C2orf76: variants seen among roughly 807,000 people sequenced by gnomAD.
C2orf76 encodes the protein UPF0538 protein C2orf76.
C2orf76 carries 23 observed loss-of-function variants against 16.9 expected under a neutral mutation model. The ratio of observed to expected loss-of-function variants is 1.36; its 90% CI spans 0.98 to 1.93. The LOEUF is 1.93. C2orf76 is among the 30% of genes most tolerant of loss of function. The pLI, the probability that C2orf76 is intolerant of heterozygous loss-of-function variation, is 0.00. For synonymous variants in C2orf76, 48 were observed against 52.3 expected (o/e 0.92, Z 0.35); for missense variants, 152 against 152.6 (o/e 1.00, Z 0.02).
chr2:119,336,532 G>A (rs1436538872), intron 2 of C2orf76, among the ~76,000 whole-genome samples: 1 of 151,930 alleles, frequency 6.6e-6, no homozygotes, highest in Non-Finnish European at 1.5e-5. Flanking sequence ...TCTCAATGGG[G>A]AATGAATAAA....
intron 5 of C2orf76, among the ~76,000 whole-genome samples, chr2:119,310,408 TC>T (rs1558776794): frequency 6.6e-6 from 1 of 152,126 alleles, no homozygotes; most frequent in African/African-American, 2.4e-5. Context: ...AACACAGAAA[TC>T]AAGTCTAAGA....
the C2orf76 span, among the ~76,000 whole-genome samples, chr2:119,285,200 G>A: frequency 3.5e-4 from 53 of 152,238 alleles, no homozygotes; most frequent in African/African-American, 1.2e-3. Flanking sequence ...TATCTACTGT[G>A]CATAAAACCA....
At chr2:119,296,376 A>G in the C2orf76 span, among the ~76,000 whole-genome samples, 1 of 152,174 alleles carries the variant, frequency 6.6e-6, no homozygotes, top group Non-Finnish European at 1.5e-5. Context: ...CAATAATCAG[A>G]GCCCTTCTCC....
chr2:119,351,882 T>C (rs143875785), intron 1 of C2orf76, among the ~76,000 whole-genome samples: 1 of 152,340 alleles, frequency 6.6e-6, no homozygotes, highest in Non-Finnish European at 1.5e-5. Flanking sequence ...AATATTGCTT[T>C]TGGGGTTACA....
chr2:119,344,449 T>C (rs901243091), intron 1 of C2orf76, among the ~76,000 whole-genome samples: 5 of 152,176 alleles, frequency 3.3e-5, no homozygotes, highest in African/African-American at 4.8e-5. Flanking sequence ...TATTCAAGGA[T>C]ATAAAAGATT....
chr2:119,325,859 T>C (rs1232308770), intron 2 of C2orf76, among the ~76,000 whole-genome samples: 1 of 152,222 alleles, frequency 6.6e-6, no homozygotes, highest in Non-Finnish European at 1.5e-5. Context: ...ACATACGTCT[T>C]CTTTAGTGAA....
chr2:119,309,933 A>T (rs1449484105), intron 5 of C2orf76, among the ~76,000 whole-genome samples: 2 of 152,134 alleles, frequency 1.3e-5, no homozygotes. Context: ...TTTTTAAAAA[A>T]TTTTTTTACA....
At chr2:119,334,593 G>C (rs1679783468) in intron 2 of C2orf76, among the ~76,000 whole-genome samples, 2 of 151,550 alleles carry the variant, frequency 1.3e-5, no homozygotes, top group African/African-American at 4.9e-5. Context: ...AGGAGGCTAT[G>C]GTGGGAGAAT....
intron 4 of C2orf76, among the ~76,000 whole-genome samples, chr2:119,315,293 C>T (rs1679132848): frequency 6.6e-6 from 1 of 151,928 alleles, no homozygotes; most frequent in Non-Finnish European, 1.5e-5. Flanking sequence ...GTAGTAACTG[C>T]AATTAGGAAA....
At chr2:119,348,025 A>C (rs7589933) in intron 1 of C2orf76, among the ~76,000 whole-genome samples, 78,669 of 140,272 alleles carry the variant, frequency 0.56, 22,041 homozygotes, top group African/African-American at 0.61. Context: ...CCAGCCTGGG[A>C]AACAGGACAA....
chr2:119,308,868 G>A (rs72840974), intron 5 of C2orf76, among the ~76,000 whole-genome samples: 4,786 of 152,174 alleles, frequency 0.031, 92 homozygotes, highest in South Asian at 0.08. Context: ...TGGTCAAACC[G>A]ACCCACAGAA....
At chr2:119,344,338 GT>G (rs1303203482) in intron 1 of C2orf76, among the ~76,000 whole-genome samples, 2 of 152,044 alleles carry the variant, frequency 1.3e-5, no homozygotes, top group Non-Finnish European at 2.9e-5. Context: ...GTTTGGCCTA[GT>G]TTTTTAAAAA....
chr2:119,326,826 AT>A (rs201397355), intron 2 of C2orf76, among the ~76,000 whole-genome samples: 18 of 150,416 alleles, frequency 1.2e-4, no homozygotes, highest in East Asian at 5.8e-4. Context: ...ATGTTTTATC[AT>A]TTTTTTTTCA....
intron 1 of C2orf76, among the ~76,000 whole-genome samples, chr2:119,365,030 G>A (rs1001062958): frequency 6.6e-6 from 1 of 152,210 alleles, no homozygotes. Flanking sequence ...GCTGCAGAGA[G>A]CTGAGATTGT....
chr2:119,358,399 G>A (rs549517637), intron 1 of C2orf76, among the ~76,000 whole-genome samples: 88 of 152,026 alleles, frequency 5.8e-4, no homozygotes, highest in African/African-American at 2.0e-3. Context: ...CAACATGGAG[G>A]AACCCCTGTC....
At chr2:119,287,032 T>C in the C2orf76 span, among the ~76,000 whole-genome samples, 1 of 152,278 alleles carries the variant, frequency 6.6e-6, no homozygotes, top group South Asian at 2.1e-4. Context: ...TCTGGCAGGC[T>C]CCATCACTTA....
At chr2:119,313,950 C>T (rs1019818858) in intron 4 of C2orf76, among the ~76,000 whole-genome samples, 13 of 146,610 alleles carry the variant, frequency 8.9e-5, no homozygotes, top group Admixed American at 6.2e-4. Context: ...TAAGGAAATT[C>T]GGCCTTTTCT....
chr2:119,295,942 C>A, the C2orf76 span, among the ~76,000 whole-genome samples: 1 of 152,192 alleles, frequency 6.6e-6, no homozygotes, highest in Non-Finnish European at 1.5e-5. Context: ...AACTATATGA[C>A]CCTCTCGCTG....
At chr2:119,325,083 C>T (rs1679464214) in intron 2 of C2orf76, among the ~76,000 whole-genome samples, 1 of 152,034 alleles carries the variant, frequency 6.6e-6, no homozygotes, top group Non-Finnish European at 1.5e-5. Context: ...CACCTGGAAT[C>T]CCAGCACTTT....
Sources: gnomAD v4.1 joint callset for allele counts (sites outside exome capture counted in the v4.1 genomes callset) on GRCh38, gnomAD v4.1.1 for gene constraint, MANE v1.5 for transcripts, NCBI Gene and HGNC (gene_info 2026-07-23, HGNC 2026-07-21) for gene names.